IQCF1: variants seen among roughly 807,000 people sequenced by gnomAD.
The protein encoded by IQCF1 is IQ domain-containing protein F1.
A neutral mutation model predicts 12.5 loss-of-function variants in IQCF1; 9 were observed. The ratio of observed to expected loss-of-function variants is 0.72; its 90% CI spans 0.43 to 1.26. The LOEUF (loss-of-function observed/expected upper bound fraction) is 1.26, where lower values mean the gene tolerates loss of function less well. Ranked by LOEUF, IQCF1 falls within the 50% of genes most tolerant of loss-of-function variation. IQCF1 has a pLI of 0.00. For missense variants in IQCF1, 252 were observed against 257.4 expected, an observed-to-expected ratio of 0.98 and a Z score of 0.14; for synonymous variants, 67 against 96.2, an observed-to-expected ratio of 0.70 and a Z score of 1.78.
Position 51,894,997 on chromosome 3 carries a change from C to G in IQCF1, c.511G>C (p.Gly171Arg), listed in dbSNP as rs1211396472. Residue 171 changes from glycine to arginine, a missense_variant, in exon 4 of 4, where the codon GGC becomes CGC. Coordinates refer to ENST00000310914, the MANE Select transcript of IQCF1 (RefSeq NM_152397.3). ...RSCASRGFIK[G>R]QYRVTANQLH... Reference sequence around the variant, plus strand: ...TGGTTGGCTGTGACTCTGTACTGGCCCTTGATGAACCCCCGGGAAGCACAG... The same window carrying G: ...TGGTTGGCTGTGACTCTGTACTGGCGCTTGATGAACCCCCGGGAAGCACAG... 3.1e-6 allele frequency: 5 copies of G among 1,614,068 alleles called. No homozygotes were observed. Among genetic ancestry groups the G allele is most frequent in the Non-Finnish European group, 4.2e-6 (5 of 1,180,038 alleles).
chr3:51,895,422 A>G lies in IQCF1; in HGVS notation c.172-86T>C. ...GTGCCAGGAAAGGCCCTGATTCCCT[A>G]TCAGCAACTGTCTCTTTTTCTGGAA... On this transcript the variant is annotated intron_variant, in intron 3 of 3. Coordinates refer to ENST00000310914, the MANE Select transcript of IQCF1 (RefSeq NM_152397.3). The surrounding 1 kb of genome is among the most constrained non-coding windows in gnomAD (Gnocchi z 4.8). 8.6e-7 allele frequency: 1 copy of G among 1,168,856 alleles called. No homozygotes were observed. The highest frequency in any genetic ancestry group is 2.6e-5 in the Admixed American group (1 of 39,212). The allele number at this position is 1,168,856 out of a possible 1,614,324, so 72.4% of individuals were successfully genotyped here. A position where few individuals can be genotyped will look rare whatever the true frequency, so the allele number is the denominator to read the frequency against.
chr3:51,896,019 G>A (rs1257656151), intron 3 of IQCF1, among the ~76,000 whole-genome samples: 1 of 152,186 alleles, frequency 6.6e-6, no homozygotes, highest in Non-Finnish European at 1.5e-5. Flanking sequence ...AAATGGCCCT[G>A]CAAAGCTGTT....
Position 51,895,405 on chromosome 3 carries a change from A to C in IQCF1, c.172-69T>G. On this transcript the variant is annotated intron_variant, in intron 3 of 3. Transcript: ENST00000310914. The surrounding 1 kb of genome is among the most constrained non-coding windows in gnomAD (Gnocchi z 4.8). ...GGCTTCAGCTCTGGGGTGTGCCAGG[A>C]AAGGCCCTGATTCCCTATCAGCAAC... 1 of 1,363,612 alleles carries C rather than the reference A, an allele frequency of 7.3e-7. No homozygotes were observed. Among genetic ancestry groups the C allele is most frequent in the Non-Finnish European group, 1.0e-6 (1 of 994,932 alleles). 84.5% of individuals were successfully genotyped at this position (1,363,612 alleles called of 1,614,324 possible).
intron 2 of IQCF1, among the ~76,000 whole-genome samples, chr3:51,902,522 CCCCTGACTCATTCCGATTACCGGCTCCA>C (rs1270538304): frequency 6.6e-6 from 1 of 152,156 alleles, no homozygotes; most frequent in African/African-American, 2.4e-5. Context: ...TACCTACTCC[CCCCTGACTCATTCCGATTACCGGCTCCA>C]CCCTGACTCA....
chr3:51,901,648 A>T (rs898232264), intron 2 of IQCF1, among the ~76,000 whole-genome samples: 1 of 152,226 alleles, frequency 6.6e-6, no homozygotes. Flanking sequence ...GAAGCCCCTT[A>T]TGGGTCTTTT....
At chr3:51,903,164 C>A in intron 1 of IQCF1, 75 bp from the exon 2 acceptor site, 1 of 1,590,772 alleles carries the variant, frequency 6.3e-7, no homozygotes, top group Non-Finnish European at 8.6e-7. Context: ...GCACACATCC[C>A]CAGCTTCCAG....
rs371284117 is a variant in IQCF1, at chr3:51,895,379, T to G, written c.172-43A>C. 5.3e-5 allele frequency: 81 copies of G among 1,538,022 alleles called. No homozygotes were observed. The African/African-American group carries it at 1.1e-3, about 21-fold the overall frequency. On this transcript the variant is annotated intron_variant, in intron 3 of 3. Transcript: ENST00000310914. This position sits in a 1 kb window ranked among gnomAD's most constrained non-coding sequence, Gnocchi z 4.8. ...GGGACCTTCAGAGAATGCTCCCCAC[T>G]GGCTTCAGCTCTGGGGTGTGCCAGG...
rs772132466 is a variant in IQCF1 at position 51,896,854 on chromosome 3, T to C, written c.149A>G (p.Asn50Ser). ...TACTTTTTCTGATTTCTCATTGGCA[T>C]TGTCCACTGTCTGTGTCTCAACCAG... ...PVLVETQTVDNANEKSEKPPE... is the reference protein window; with the variant it reads ...PVLVETQTVDSANEKSEKPPE... Residue 50 changes from asparagine to serine, a missense_variant, in exon 3 of 4, where the codon AAT becomes AGT. By Grantham distance (46) the Asn-to-Ser change is conservative. Coordinates refer to ENST00000310914, the MANE Select transcript of IQCF1 (RefSeq NM_152397.3). 1.2e-6 allele frequency: 2 copies of C among 1,613,396 alleles called. No homozygotes were observed. Among genetic ancestry groups the C allele is most frequent in the Non-Finnish European group, 8.5e-7 (1 of 1,179,370 alleles).
intron 2 of IQCF1, among the ~76,000 whole-genome samples, chr3:51,897,844 T>TCTTACA (rs1157126578): frequency 6.6e-6 from 1 of 152,166 alleles, no homozygotes; most frequent in African/African-American, 2.4e-5. Flanking sequence ...TGTAGCTACC[T>TCTTACA]CTTACACTTA....
At chr3:51,902,926 C>T (rs915659684) in intron 2 of IQCF1, 59 bp downstream of exon 2, 6 of 1,223,030 alleles carry the variant, frequency 4.9e-6, no homozygotes, top group Non-Finnish European at 7.3e-6. Context: ...ATGCAAAAGA[C>T]ACTAGCTACT....
At chr3:51,903,225 A>T in intron 1 of IQCF1, 45 bp downstream of exon 1, 1 of 1,611,250 alleles carries the variant, frequency 6.2e-7, no homozygotes. Flanking sequence ...TGAGAGATCT[A>T]TGGGGACATC....
intron 2 of IQCF1, chr3:51,902,700 C>T (rs1699091167): frequency 2.6e-6 from 1 of 388,474 alleles, no homozygotes; most frequent in Non-Finnish European, 4.9e-6. Flanking sequence ...GTGGTCTAAC[C>T]CTAGCCAATA....
In IQCF1 at chr3:51,895,187, G is replaced by A. The variant is rs1376379001; in HGVS notation, c.321C>T (p.Ser107=). The change falls in exon 4 of 4, where the codon TCC becomes TCT. Residue 107 remains serine, a synonymous_variant. Transcript: ENST00000310914. This position sits in a 1 kb window ranked among gnomAD's most constrained non-coding sequence, Gnocchi z 4.8. The part of the protein sequence containing the change: ...IIQCWWRLIL[S]KILKKRRQAA... The stretch of plus-strand genomic sequence containing the variant: ...CCTGCCGCCTCTTCTTCAGAATCTT[G>A]GACAGTATCAGCCGCCACCAGCACT... 1 of 1,614,100 alleles carries A rather than the reference G, an allele frequency of 6.2e-7. No homozygotes were observed. Among genetic ancestry groups the A allele is most frequent in the Non-Finnish European group, 8.5e-7 (1 of 1,180,058 alleles).
At chr3:51,898,897 A>G (rs1163188396) in intron 2 of IQCF1, among the ~76,000 whole-genome samples, 5 of 152,276 alleles carry the variant, frequency 3.3e-5, no homozygotes, top group African/African-American at 1.2e-4. Context: ...AAGCAGAGTT[A>G]GGAAAATTGC....
At chr3:51,901,990 C>T (rs1699079852) in intron 2 of IQCF1, among the ~76,000 whole-genome samples, 2 of 152,278 alleles carry the variant, frequency 1.3e-5, no homozygotes, top group East Asian at 3.9e-4. Flanking sequence ...AACAACACTG[C>T]CCCTGATGGA....
chr3:51,896,643 T>C (rs1415302144), intron 3 of IQCF1, among the ~76,000 whole-genome samples, 189 bp downstream of exon 3: 1 of 152,114 alleles, frequency 6.6e-6, no homozygotes, highest in Admixed American at 6.6e-5. Flanking sequence ...AACTTTCACA[T>C]TTTAAATCTT....
At chr3:51,898,941 C>G (rs1175453786) in intron 2 of IQCF1, among the ~76,000 whole-genome samples, 2 of 152,142 alleles carry the variant, frequency 1.3e-5, no homozygotes, top group African/African-American at 4.8e-5. Flanking sequence ...CTCAGCAAAG[C>G]CTTAAAGTAC....
At chr3:51,901,568 A>G (rs1364679757) in intron 2 of IQCF1, among the ~76,000 whole-genome samples, 1 of 152,206 alleles carries the variant, frequency 6.6e-6, no homozygotes, top group African/African-American at 2.4e-5. Flanking sequence ...TTTTAGTCCA[A>G]TTGGCTATCC....
chr3:51,897,182 ACT>A (rs35667442), intron 2 of IQCF1, among the ~76,000 whole-genome samples: 120,841 of 151,618 alleles, frequency 0.8, 48,240 homozygotes, highest in East Asian at 0.86. Flanking sequence ...TCACCCCATC[ACT>A]CTCTTTAAAT....
Sources: allele counts gnomAD v4.1 joint callset (sites outside exome capture counted in the v4.1 genomes callset), GRCh38; gene constraint gnomAD v4.1.1; non-coding constraint Gnocchi (gnomAD v3.1); transcripts MANE v1.5; gene names NCBI Gene and HGNC (gene_info 2026-07-23, HGNC 2026-07-21).